The following ANKRD30B variants were observed in gnomAD, a reference collection of about 807,000 sequenced individuals.
ANKRD30B encodes the protein ankyrin repeat domain-containing protein 30B.
Under a neutral mutation model 202.2 loss-of-function variants are expected in ANKRD30B, and 144 were observed. That is an observed-to-expected ratio of 0.71 (90% confidence interval 0.62 to 0.82). ANKRD30B has a LOEUF of 0.82. Ranked by LOEUF, ANKRD30B falls within the 40% of genes least tolerant of loss-of-function variation. The probability of loss-of-function intolerance (pLI) is 0.00; values close to 1 mark genes in which losing one functional copy is unlikely to be tolerated. For synonymous variants in ANKRD30B, 508 were observed against 561.3 expected (o/e 0.91, Z 1.34); for missense variants, 1,487 against 1,669.1 (o/e 0.89, Z 1.90).
At chr18:14,884,225 G>C in the ANKRD30B span, among the ~76,000 whole-genome samples, 3 of 141,800 alleles carry the variant, frequency 2.1e-5, no homozygotes, top group Admixed American at 7.2e-5. Context: ...CTGTAATATT[G>C]TAAGCAGTGC....
At position 14,797,662 on chromosome 18, in the gene ANKRD30B, G is replaced by T; in HGVS notation, c.1929G>T (p.Glu643Asp). ...ELKDRETFKA[E>D]SPDKDGLLKP... is the part of the protein sequence containing the mutation. The stretch of plus-strand genomic sequence containing the variant: ...TTATAAATGTCCCTTTTCTTTTAGA[G>T]TCTCCTGATAAAGATGGTCTTCTGA... Residue 643 changes from glutamate to aspartate, a missense_variant and splice_region_variant, in exon 19 of 44, where the codon GAG (glutamate) becomes GAT (aspartate). By Grantham distance (45) the Glu-to-Asp change is conservative (BLOSUM62 2). Around this residue, in one of 6 missense-constraint regions of ANKRD30B, gnomAD observed 889 missense variants for 841.4 expected, o/e 1.06. Coordinates refer to ENST00000690538, the MANE Select transcript of ANKRD30B (RefSeq NM_001367607.2). 1 of 1,607,370 alleles carries T rather than the reference G, an allele frequency of 6.2e-7. No individual in the cohort carries two copies. Among genetic ancestry groups the T allele is most frequent in the African/African-American group, 1.3e-5 (1 of 74,850 alleles).
At chr18:14,853,563 G>A (rs1380791916) in intron 42 of ANKRD30B, among the ~76,000 whole-genome samples, 1 of 147,338 alleles carries the variant, frequency 6.8e-6, no homozygotes, top group South Asian at 2.1e-4. Flanking sequence ...ACTTCAGTAA[G>A]TTGTGAAGAA....
the ANKRD30B span, among the ~76,000 whole-genome samples, chr18:14,927,973 A>G: frequency 8.2e-5 from 12 of 146,352 alleles, no homozygotes; most frequent in East Asian, 2.2e-3. Flanking sequence ...TGTGATGGTA[A>G]TTTTTTTTTT....
chr18:14,907,959 T>G, the ANKRD30B span, among the ~76,000 whole-genome samples: 2 of 152,042 alleles, frequency 1.3e-5, no homozygotes, highest in Non-Finnish European at 2.9e-5. Context: ...TGAGATACAT[T>G]AACAGAAAAA....
rs550500156 is a variant in ANKRD30B at position 14,810,916 on chromosome 18, C to T, written c.2488+736C>T. On this transcript the variant is annotated intron_variant, in intron 28 of 43. Transcript: ENST00000690538. ...ATTACTTAAGGTCAGGAGTCGCAGA[C>T]GAGCCTGGTCAACACAGTGAAACCC... Among the ~76,000 whole-genome samples the T allele has an allele frequency of 2.2e-3, 332 of 151,252 alleles. 7 individuals carry two copies. The highest frequency in any genetic ancestry group is 3.6e-3 in the Non-Finnish European group (243 of 67,822).
intron 11 of ANKRD30B, among the ~76,000 whole-genome samples, chr18:14,780,331 G>A (rs1487455511): frequency 6.6e-6 from 1 of 152,076 alleles, no homozygotes; most frequent in African/African-American, 2.4e-5. Flanking sequence ...TGTAATCCCA[G>A]CTACTCGGGA....
the ANKRD30B span, among the ~76,000 whole-genome samples, chr18:14,884,505 G>A: frequency 1.3e-5 from 2 of 151,716 alleles, no homozygotes; most frequent in Non-Finnish European, 2.9e-5. Context: ...CCACATGGAA[G>A]GATTCAATAA....
chr18:14,793,417 T>G (rs1968658335), intron 16 of ANKRD30B, among the ~76,000 whole-genome samples: 1 of 152,160 alleles, frequency 6.6e-6, no homozygotes, highest in African/African-American at 2.4e-5. Flanking sequence ...GCTTTTGCAT[T>G]TATTTTCTCA....
chr18:14,903,404 T>C, the ANKRD30B span, among the ~76,000 whole-genome samples: 1 of 152,156 alleles, frequency 6.6e-6, no homozygotes, highest in East Asian at 1.9e-4. Context: ...GATAAATGAT[T>C]ACTGAAGAGA....
intron 36 of ANKRD30B, among the ~76,000 whole-genome samples, chr18:14,839,121 C>T (rs145119694): frequency 0.013 from 1,994 of 152,262 alleles, 49 homozygotes; most frequent in African/African-American, 0.046. Flanking sequence ...CAACTGTGTG[C>T]TAGGCAGTGA....
In ANKRD30B at chr18:14,796,366, T is replaced by C; in HGVS notation, c.1878T>C (p.Ser626=). ...LLKPTCGRKV[S]LPNKALELKD... ...AGCCTACCTGTGGAAGGAAAGTTTC[T>C]CTTCCAAATAAAGCCTTAGAATTAA... Residue 626 remains serine (S), a synonymous_variant, in exon 18 of 44, where the codon TCT becomes TCC. Transcript: ENST00000690538. 2 of 1,574,662 alleles carry C rather than the reference T, an allele frequency of 1.3e-6. No individual in the cohort carries two copies. Among genetic ancestry groups the C allele is most frequent in the Non-Finnish European group, 1.7e-6 (2 of 1,158,620 alleles).
At chr18:14,931,510 G>A in the ANKRD30B span, among the ~76,000 whole-genome samples, 1 of 152,156 alleles carries the variant, frequency 6.6e-6, no homozygotes, top group African/African-American at 2.4e-5. Context: ...TGCTGTTTCA[G>A]CAGGCATCCC....
intron 9 of ANKRD30B, among the ~76,000 whole-genome samples, chr18:14,777,550 C>T (rs1258220768): frequency 6.6e-6 from 1 of 151,926 alleles, no homozygotes; most frequent in African/African-American, 2.4e-5. Context: ...CCCACCTTGG[C>T]CTCCCAAAGT....
rs61706072 is a variant in ANKRD30B at position 14,769,882 on chromosome 18, C to A, written c.1256+509C>A. On this transcript the variant is annotated intron_variant, in intron 8 of 43. Transcript: ENST00000690538. ...GTTATTATCATCAAAGTGTTTAGAG[C>A]AGATCTTACTTAGCTGTGGCCACAA... Among the ~76,000 whole-genome samples, 215 of 152,276 alleles carry A rather than the reference C, an allele frequency of 1.4e-3. 1 individual carries two copies. Among genetic ancestry groups the A allele is most frequent in the African/African-American group, 4.9e-3 (204 of 41,570 alleles).
At chr18:14,912,350 G>A in the ANKRD30B span, among the ~76,000 whole-genome samples, 1 of 152,066 alleles carries the variant, frequency 6.6e-6, no homozygotes, top group Non-Finnish European at 1.5e-5. Flanking sequence ...TTTTATTGAA[G>A]TATTTTTGTG....
At chr18:14,881,755 T>C in the ANKRD30B span, among the ~76,000 whole-genome samples, 1 of 152,082 alleles carries the variant, frequency 6.6e-6, no homozygotes, top group African/African-American at 2.4e-5. Context: ...TTGGAAATTT[T>C]AAAATTACCA....
At chr18:14,776,564 A>C (rs1186745227) in intron 9 of ANKRD30B, among the ~76,000 whole-genome samples, 2 of 152,234 alleles carry the variant, frequency 1.3e-5, no homozygotes, top group Non-Finnish European at 2.9e-5. Context: ...TTAACAACTT[A>C]GAATGACTAG....
At chr18:14,928,708 C>T in the ANKRD30B span, among the ~76,000 whole-genome samples, 1 of 152,190 alleles carries the variant, frequency 6.6e-6, no homozygotes, top group African/African-American at 2.4e-5. Flanking sequence ...AATCCTCAAC[C>T]TTTCCCTCTG....
chr18:14,905,806 T>A, the ANKRD30B span: 1 of 151,974 alleles, frequency 6.6e-6, no homozygotes. Context: ...TATACCAGAG[T>A]CAAGCTGGAA....
Sources: gnomAD v4.1 joint callset for allele counts (sites outside exome capture counted in the v4.1 genomes callset) on GRCh38, gnomAD v4.1.1 for gene constraint, gnomAD v4.1.1 regional missense constraint, MANE v1.5 for transcripts, NCBI Gene and HGNC (gene_info 2026-07-23, HGNC 2026-07-21) for gene names.